The following CTNNA2 variants were observed in gnomAD, a reference collection of about 807,000 sequenced individuals.
The protein encoded by CTNNA2 is catenin alpha-2.
A neutral mutation model predicts 101.0 loss-of-function variants in CTNNA2; 42 were observed. The observed-to-expected ratio is 0.42, with a 90% CI of 0.32 to 0.54. The LOEUF (loss-of-function observed/expected upper bound fraction) is 0.54. CTNNA2 is among the 20% of genes least tolerant of loss of function. The pLI is 0.14. For synonymous variants in CTNNA2, 450 were observed against 456.4 expected (o/e 0.99, Z 0.18); for missense variants, 871 against 1,223.1 (o/e 0.71, Z 4.29).
chr2:79,467,950 C>T (rs1452039897), intron 4 of CTNNA2, among the ~76,000 whole-genome samples: 1 of 152,114 alleles, frequency 6.6e-6, no homozygotes, highest in Non-Finnish European at 1.5e-5. Flanking sequence ...ACCATCAATG[C>T]TAAGAAGAAA....
At chr2:79,876,982 A>G (rs916970876) in intron 6 of CTNNA2, among the ~76,000 whole-genome samples, 4 of 151,904 alleles carry the variant, frequency 2.6e-5, no homozygotes, top group African/African-American at 7.2e-5. Flanking sequence ...AAAGTATAAT[A>G]TGGTAAATAA....
chr2:79,989,665 G>T (rs1021065219), intron 7 of CTNNA2, among the ~76,000 whole-genome samples: 6 of 151,986 alleles, frequency 3.9e-5, no homozygotes, highest in African/African-American at 1.4e-4. Flanking sequence ...AACAACAACA[G>T]AATTGGAGTA....
At chr2:79,477,892 G>A (rs953538825) in intron 4 of CTNNA2, among the ~76,000 whole-genome samples, 1 of 152,194 alleles carries the variant, frequency 6.6e-6, no homozygotes, top group African/African-American at 2.4e-5. Context: ...TTTGCTCTGT[G>A]GGACTAGTTT....
At chr2:79,554,896 A>G (rs529542249) in intron 1 of CTNNA2, among the ~76,000 whole-genome samples, 23 of 152,218 alleles carry the variant, frequency 1.5e-4, no homozygotes, top group Non-Finnish European at 2.5e-4. Flanking sequence ...AAATCCAAAC[A>G]GAGCAAAATG....
intron 9 of CTNNA2, among the ~76,000 whole-genome samples, chr2:80,530,473 C>T (rs1690446832): frequency 6.6e-6 from 1 of 152,084 alleles, no homozygotes; most frequent in Admixed American, 6.6e-5. Flanking sequence ...AGGACACAGA[C>T]AGGAAGAAAC....
intron 11 of CTNNA2, among the ~76,000 whole-genome samples, chr2:80,547,952 A>G (rs139399803): frequency 0.012 from 1,898 of 152,130 alleles, 51 homozygotes; most frequent in African/African-American, 0.043. Context: ...TTGGTCTCCC[A>G]AAGTGCTGGT....
chr2:79,255,694 T>C (rs1674835978), intron 2 of CTNNA2, among the ~76,000 whole-genome samples: 1 of 152,156 alleles, frequency 6.6e-6, no homozygotes. Flanking sequence ...CTTGGTGCAT[T>C]CAGGACTCAT....
intron 11 of CTNNA2, among the ~76,000 whole-genome samples, chr2:80,546,694 A>T (rs1692098407): frequency 6.6e-6 from 1 of 152,224 alleles, no homozygotes; most frequent in South Asian, 2.1e-4. Flanking sequence ...AGACATGAAT[A>T]ACTGCAGAGA....
At chr2:80,210,929 C>T (rs911028050) in intron 7 of CTNNA2, among the ~76,000 whole-genome samples, 3 of 152,152 alleles carry the variant, frequency 2.0e-5, no homozygotes, top group Non-Finnish European at 4.4e-5. Flanking sequence ...GATATGGTAT[C>T]TCATTGTGGT....
chr2:80,613,221 T>G (rs1329168780), intron 17 of CTNNA2, among the ~76,000 whole-genome samples: 3 of 151,504 alleles, frequency 2.0e-5, no homozygotes, highest in African/African-American at 7.3e-5. Context: ...AAATTCTGAT[T>G]CCTGCATTAA....
At chr2:80,286,152 C>A (rs1345132688) in intron 7 of CTNNA2, among the ~76,000 whole-genome samples, 1 of 152,140 alleles carries the variant, frequency 6.6e-6, no homozygotes, top group African/African-American at 2.4e-5. Context: ...GGCAGAATTG[C>A]TGCTTTATGC....
chr2:79,393,195 G>A (rs576439143), intron 4 of CTNNA2, among the ~76,000 whole-genome samples: 1 of 152,170 alleles, frequency 6.6e-6, no homozygotes, highest in Non-Finnish European at 1.5e-5. Context: ...CCTTACTCAT[G>A]TGCATCAAAG....
chr2:79,521,817 G>A (rs1462683863), intron 1 of CTNNA2, among the ~76,000 whole-genome samples: 1 of 152,132 alleles, frequency 6.6e-6, no homozygotes, highest in Non-Finnish European at 1.5e-5. Context: ...GGGCAACGTG[G>A]CACAAGAAGG....
chr2:79,615,909 G>T lies in CTNNA2; in HGVS notation c.-5-35643G>T, dbSNP rs145679039. Among the ~76,000 whole-genome samples the T allele has an allele frequency of 7.4e-3, 1,132 of 152,264 alleles. 12 individuals carry two copies. The highest frequency in any genetic ancestry group is 0.026 in the African/African-American group (1,074 of 41,548). ...CTTGTAAATCACGTAAAAATATTCT[G>T]TGGCGCCCAAACTAAGTGTTTCCTC... is the stretch of plus-strand genomic sequence containing the variant. On this transcript the variant is annotated intron_variant, in intron 1 of 18. Transcript: ENST00000402739.
At chr2:79,970,573 G>A (rs562820166) in intron 7 of CTNNA2, among the ~76,000 whole-genome samples, 28 of 152,266 alleles carry the variant, frequency 1.8e-4, no homozygotes, top group Non-Finnish European at 2.6e-4. Flanking sequence ...GAGGAAAAGC[G>A]TTTCCAAGCT....
intron 9 of CTNNA2, among the ~76,000 whole-genome samples, chr2:80,489,871 T>G (rs1370591915): frequency 6.6e-6 from 1 of 152,138 alleles, no homozygotes; most frequent in Admixed American, 6.5e-5. Context: ...GGATATAAAA[T>G]ATAAGAGGAG....
chr2:79,696,152 CA>C (rs1274755628), intron 2 of CTNNA2, among the ~76,000 whole-genome samples: 2 of 151,890 alleles, frequency 1.3e-5, no homozygotes, highest in African/African-American at 2.4e-5. Context: ...AAACCGAAGC[CA>C]AAAAGCAAGG....
intron 3 of CTNNA2, among the ~76,000 whole-genome samples, chr2:79,777,327 ATGTGTGTGTGTGTGTG>A (rs67347678): frequency 0.042 from 5,837 of 139,644 alleles, 405 homozygotes; most frequent in African/African-American, 0.14. Context: ...AACACTTGTT[ATGTGTGTGTGTGTGTG>A]TGTGTGTGTG....
chr2:79,305,754 C>T (rs1182236719), intron 2 of CTNNA2, among the ~76,000 whole-genome samples: 2 of 152,040 alleles, frequency 1.3e-5, no homozygotes, highest in Non-Finnish European at 1.5e-5. Context: ...CCTTAAGAAA[C>T]AAGGCACTTG....
Sources: gnomAD v4.1 joint callset for allele counts (sites outside exome capture counted in the v4.1 genomes callset) on GRCh38, gnomAD v4.1.1 for gene constraint, MANE v1.5 for transcripts, NCBI Gene and HGNC (gene_info 2026-07-23, HGNC 2026-07-21) for gene names.